The following DLGAP2 variants were observed in gnomAD, a reference collection of about 807,000 sequenced individuals.
DLGAP2 encodes DLG associated protein 2.
In DLGAP2, 26 loss-of-function variants were observed where a neutral mutation model predicts 100.3. The ratio of observed to expected loss-of-function variants is 0.26; its 90% CI spans 0.19 to 0.36. DLGAP2 has a LOEUF of 0.36. Ranked by LOEUF, DLGAP2 falls within the 10% of genes least tolerant of loss-of-function variation. DLGAP2 has a pLI of 1.00. For synonymous variants in DLGAP2, 886 were observed against 630.1 expected (o/e 1.41, Z -6.08); for missense variants, 1,858 against 1,453.2 (o/e 1.28, Z -4.53).
intron 6 of DLGAP2, among the ~76,000 whole-genome samples, chr8:1,580,952 G>A (rs1238326082): frequency 2.3e-5 from 3 of 132,340 alleles, no homozygotes; most frequent in Admixed American, 1.6e-4. Context: ...ACAAAACCCT[G>A]CACACATCTA....
chr8:927,855 T>C (rs1418446762), intron 2 of DLGAP2, among the ~76,000 whole-genome samples: 1 of 151,982 alleles, frequency 6.6e-6, no homozygotes. Context: ...AGAGCTAAAT[T>C]GCAAAAAACA....
At chr8:966,103 A>G (rs933307570) in intron 2 of DLGAP2, among the ~76,000 whole-genome samples, 7 of 152,226 alleles carry the variant, frequency 4.6e-5, no homozygotes, top group Admixed American at 2.0e-4. Flanking sequence ...GAGGTCAGTC[A>G]CGCGCTGAGA....
chr8:983,465 C>A (rs1035961571), intron 2 of DLGAP2, among the ~76,000 whole-genome samples: 4 of 152,280 alleles, frequency 2.6e-5, no homozygotes, highest in African/African-American at 9.6e-5. Flanking sequence ...TTCTTCTATC[C>A]CTTAGAATCC....
chr8:937,227 G>GT (rs1799092344), intron 2 of DLGAP2, among the ~76,000 whole-genome samples: 1 of 152,194 alleles, frequency 6.6e-6, no homozygotes. Flanking sequence ...TCTCTCAGCT[G>GT]TGAGTCCTCT....
chr8:1,249,746 T>G (rs1798995045), intron 2 of DLGAP2, among the ~76,000 whole-genome samples: 1 of 152,180 alleles, frequency 6.6e-6, no homozygotes, highest in Admixed American at 6.5e-5. Flanking sequence ...AAACTATTGA[T>G]TATTCAGGGG....
chr8:882,071 T>A (rs1384550191), intron 1 of DLGAP2, among the ~76,000 whole-genome samples: 2 of 152,192 alleles, frequency 1.3e-5, no homozygotes, highest in African/African-American at 4.8e-5. Flanking sequence ...GGTCACATGA[T>A]ATCACCCAGT....
chr8:1,583,944 G>A (rs890701276), intron 6 of DLGAP2, among the ~76,000 whole-genome samples: 1 of 151,954 alleles, frequency 6.6e-6, no homozygotes, highest in Non-Finnish European at 1.5e-5. Flanking sequence ...CTTGCTGCCG[G>A]TCATCCTTCC....
chr8:900,376 G>A lies in DLGAP2; in HGVS notation c.19-7536G>A, dbSNP rs532367831. On this transcript the variant is annotated intron_variant, in intron 1 of 14. Transcript: ENST00000637795. ...CCCTCCTCTTCACGGGGTTGCTCCC[G>A]GGCGGATGGTGGGCGCCCTCCTCTT... is the stretch of plus-strand genomic sequence containing the variant. Among the ~76,000 whole-genome samples, 429 of 151,858 alleles carry A rather than the reference G, an allele frequency of 2.8e-3. 3 individuals carry two copies. The highest frequency in any genetic ancestry group is 4.9e-3 in the Non-Finnish European group (331 of 67,954).
chr8:744,786 G>A (rs775333688), intron 1 of DLGAP2, among the ~76,000 whole-genome samples: 2 of 152,310 alleles, frequency 1.3e-5, no homozygotes, highest in Admixed American at 6.5e-5. Flanking sequence ...CACACTGGAC[G>A]GTGCTTTTCA....
intron 5 of DLGAP2, among the ~76,000 whole-genome samples, chr8:1,559,755 C>G (rs1019082841): frequency 8.5e-5 from 13 of 152,248 alleles, no homozygotes; most frequent in Non-Finnish European, 1.8e-4. Flanking sequence ...CTCAGCCTCC[C>G]TTCCCGAACT....
rs879142952 is a variant in DLGAP2 at position 1,594,676 on chromosome 8, G to A, written c.1442+28782G>A. 8.6e-5 allele frequency among the ~76,000 whole-genome samples: 13 copies of A among 152,002 alleles called. 1 individual carries two copies. Among genetic ancestry groups the A allele is most frequent in the South Asian group, 4.2e-4 (2 of 4,818 alleles). On this transcript the variant is annotated intron_variant, in intron 6 of 14. Coordinates refer to ENST00000637795, the MANE Select transcript of DLGAP2 (RefSeq NM_001346810.2). ...TGACCTCAAGTGATCTGCCCACCTCGGCCTCCCAAAGTGCTGGGATTACAG... is the reference window on the plus strand; with the variant it reads ...TGACCTCAAGTGATCTGCCCACCTCAGCCTCCCAAAGTGCTGGGATTACAG...
intron 6 of DLGAP2, among the ~76,000 whole-genome samples, chr8:1,585,729 C>A (rs183191917): frequency 1.2e-3 from 186 of 152,328 alleles, no homozygotes; most frequent in Non-Finnish European, 1.4e-3. Flanking sequence ...AGTGCCTGGG[C>A]AGTACTGTAG....
chr8:1,503,515 C>A (rs1010408099), intron 4 of DLGAP2, among the ~76,000 whole-genome samples: 1 of 152,136 alleles, frequency 6.6e-6, no homozygotes, highest in Non-Finnish European at 1.5e-5. Context: ...GTTTCCATTC[C>A]TCCGTGGACA....
chr8:837,238 C>T (rs1238090616), intron 1 of DLGAP2, among the ~76,000 whole-genome samples: 1 of 152,198 alleles, frequency 6.6e-6, no homozygotes, highest in Non-Finnish European at 1.5e-5. Context: ...ATGAGCTCGG[C>T]CTGGTGTTCG....
intron 2 of DLGAP2, among the ~76,000 whole-genome samples, chr8:1,127,085 C>A (rs1393790096): frequency 6.8e-6 from 1 of 146,050 alleles, no homozygotes; most frequent in Non-Finnish European, 1.5e-5. Context: ...GAGGGACCCC[C>A]ACCCTGTCCC....
intron 2 of DLGAP2, among the ~76,000 whole-genome samples, chr8:1,077,142 C>T (rs148606378): frequency 2.6e-5 from 4 of 152,340 alleles, no homozygotes; most frequent in Non-Finnish European, 5.9e-5. Flanking sequence ...CCTTCACCTT[C>T]ATGCAGTGTT....
At chr8:1,590,534 C>T (rs1230424417) in intron 6 of DLGAP2, among the ~76,000 whole-genome samples, 2 of 152,202 alleles carry the variant, frequency 1.3e-5, no homozygotes, top group Non-Finnish European at 2.9e-5. Flanking sequence ...ACCTGATTTC[C>T]TTTCCTCAGT....
chr8:868,624 C>T (rs1049107728), intron 1 of DLGAP2, among the ~76,000 whole-genome samples: 1 of 152,230 alleles, frequency 6.6e-6, no homozygotes, highest in African/African-American at 2.4e-5. Flanking sequence ...ACGTTAGTGT[C>T]TGCCTCGCTG....
intron 6 of DLGAP2, among the ~76,000 whole-genome samples, chr8:1,574,319 T>G (rs1018509148): frequency 1.3e-5 from 2 of 152,092 alleles, no homozygotes; most frequent in Admixed American, 6.5e-5. Context: ...ATTGCAGGAC[T>G]TGTAATACAC....
Sources: gnomAD v4.1 joint callset for allele counts (sites outside exome capture counted in the v4.1 genomes callset) on GRCh38, gnomAD v4.1.1 for gene constraint, MANE v1.5 for transcripts, NCBI Gene and HGNC (gene_info 2026-07-23, HGNC 2026-07-21) for gene names.